The following TXNRD2 variants were observed in gnomAD, a reference collection of about 807,000 sequenced individuals.
The protein encoded by TXNRD2 is thioredoxin reductase 2.
Under a neutral mutation model 70.8 loss-of-function variants are expected in TXNRD2, and 67 were observed. The ratio of observed to expected loss-of-function variants is 0.95; its 90% confidence interval spans 0.78 to 1.16. The LOEUF (loss-of-function observed/expected upper bound fraction) is 1.16, where lower values mean the gene tolerates loss of function less well. Ranked by LOEUF, TXNRD2 falls within the 50% of genes most tolerant of loss-of-function variation. The pLI, the probability that TXNRD2 is intolerant of heterozygous loss-of-function variation, is 0.00. For missense variants in TXNRD2, 644 were observed against 719.9 expected, an observed-to-expected ratio of 0.89 and a Z score of 1.21; for synonymous variants, 301 against 295.8, an observed-to-expected ratio of 1.02 and a Z score of -0.18.
In TXNRD2 at chr22:19,883,424, C is replaced by T. The variant is rs1454322676; in HGVS notation, c.987G>A (p.Lys329=). The change falls in exon 12 of 18, where the codon AAG becomes AAA. Residue 329 remains lysine, a synonymous_variant. Coordinates refer to ENST00000400521, the MANE Select transcript of TXNRD2 (RefSeq NM_006440.5). ...TGTCGGGGCTAGTATCTACCCCAGC[C>T]TTCTCCAAATTCAGACTTCTGGTGT... ...VPDTRSLNLE[K]AGVDTSPDTQ... 7 of 1,614,070 alleles carry T rather than the reference C, an allele frequency of 4.3e-6. No homozygotes were observed. Among genetic ancestry groups the T allele is most frequent in the Non-Finnish European group, 5.9e-6 (7 of 1,180,032 alleles).
intron 14 of TXNRD2, among the ~76,000 whole-genome samples, chr22:19,879,553 G>T (rs563751138): frequency 1.3e-5 from 2 of 149,810 alleles, no homozygotes; most frequent in African/African-American, 5.0e-5. Context: ...GGTGGGGGGC[G>T]GGGGGCGGGG....
At chr22:19,925,175 T>G (rs1320780003) in intron 2 of TXNRD2, among the ~76,000 whole-genome samples, 1 of 151,770 alleles carries the variant, frequency 6.6e-6, no homozygotes, top group African/African-American at 2.4e-5. Flanking sequence ...TCCCAGCTAC[T>G]CAGGAGGCTG....
At chr22:19,915,877 C>T (rs1462287866) in intron 5 of TXNRD2, 34 bp from the exon 6 acceptor site, 2 of 1,590,544 alleles carry the variant, frequency 1.3e-6, no homozygotes, top group Non-Finnish European at 1.7e-6. Flanking sequence ...CAAACACTTC[C>T]TCTGCAAATT....
rs113704666 is a variant in TXNRD2, at chr22:19,896,211, T to C, written c.775-630A>G. 2.5e-3 allele frequency among the ~76,000 whole-genome samples: 373 copies of C among 151,322 alleles called. 2 individuals carry two copies. Among genetic ancestry groups the C allele is most frequent in the African/African-American group, 8.3e-3 (343 of 41,150 alleles). On this transcript the variant is annotated intron_variant, in intron 10 of 17. Coordinates refer to ENST00000400521, the MANE Select transcript of TXNRD2 (RefSeq NM_006440.5). ...TAACTGGGAGGCTGAGGCAGGAGAA[T>C]GGCGTGAACCCGGGAGGTGGAGCTT...
rs1434369728 is a variant in TXNRD2 at position 19,877,542 on chromosome 22, C to T, written c.1446-308G>A. ...CCTTAGGCCTCTGCTCTCTGCTTTA[C>T]CCACAGACAGCGCATCCTGGCCTCA... On this transcript the variant is annotated intron_variant, in intron 16 of 17. Coordinates refer to ENST00000400521, the MANE Select transcript of TXNRD2 (RefSeq NM_006440.5). Among the ~76,000 whole-genome samples, 8 of 152,144 alleles carry T rather than the reference C, an allele frequency of 5.3e-5. No individual in the cohort carries two copies. The East Asian group carries it at 1.3e-3, about 26-fold the overall frequency.
chr22:19,905,796 G>A (rs1030819551), intron 8 of TXNRD2, among the ~76,000 whole-genome samples: 16 of 151,814 alleles, frequency 1.1e-4, no homozygotes, highest in African/African-American at 3.4e-4. Context: ...ACAGTGCCTC[G>A]AGATGGGCAC....
chr22:19,879,464 T>C (rs541191160), intron 14 of TXNRD2, among the ~76,000 whole-genome samples: 1 of 151,646 alleles, frequency 6.6e-6, no homozygotes, highest in East Asian at 2.0e-4. Context: ...CAAAGCAGGC[T>C]TGCTCGATGA....
chr22:19,925,007 A>G lies in TXNRD2; in HGVS notation c.173-5408T>C, dbSNP rs538899977. The stretch of plus-strand genomic sequence containing the variant: ...AAAAAAAAAAAAAAAGCGGGGGGCC[A>G]GGCATGGTGGCTCACGCCTGTAATC... On this transcript the variant is annotated intron_variant, in intron 2 of 17. Transcript: ENST00000400521. Among the ~76,000 whole-genome samples, 231 of 150,426 alleles carry G rather than the reference A, an allele frequency of 1.5e-3. 1 individual carries two copies. Among genetic ancestry groups the G allele is most frequent in the African/African-American group, 4.7e-3 (193 of 41,074 alleles).
intron 11 of TXNRD2, among the ~76,000 whole-genome samples, chr22:19,892,124 G>C (rs766646760): frequency 6.6e-6 from 1 of 152,280 alleles, no homozygotes. Flanking sequence ...ACCCGGTACA[G>C]GAAGCAGAGT....
At position 19,895,574 on chromosome 22, in the gene TXNRD2, G is replaced by A. The variant is rs1472560755; in HGVS notation, c.782C>T (p.Ser261Phe). The A allele has an allele frequency of 8.1e-6, 13 of 1,611,086 alleles. No individual in the cohort carries two copies. The highest frequency in any genetic ancestry group is 1.1e-5 in the Non-Finnish European group (13 of 1,180,030). Residue 261 changes from serine to phenylalanine, a missense_variant, in exon 11 of 18, where the codon TCC becomes TTC. Coordinates refer to ENST00000400521, the MANE Select transcript of TXNRD2 (RefSeq NM_006440.5). ...IPLRGFDQQM[S>F]SMVIEHMASH... Reference sequence around the variant, plus strand: ...TGCCATGTGCTCTATGACCATGGAGGACATTTGCTGCAAAGCACAAGAAGA... The same window carrying A: ...TGCCATGTGCTCTATGACCATGGAGAACATTTGCTGCAAAGCACAAGAAGA...
chr22:19,939,601 TG>T (rs72550816), intron 1 of TXNRD2, among the ~76,000 whole-genome samples: 5,588 of 152,246 alleles, frequency 0.037, 362 homozygotes, highest in African/African-American at 0.13. Flanking sequence ...TGTGGATGCC[TG>T]GAACTACAGA....
At chr22:19,889,651 TA>T (rs1939182096) in intron 11 of TXNRD2, among the ~76,000 whole-genome samples, 2 of 151,032 alleles carry the variant, frequency 1.3e-5, no homozygotes, top group Non-Finnish European at 2.9e-5. Flanking sequence ...TTATTATTAT[TA>T]ATTATTTGAA....
chr22:19,895,293 G>T (rs868496249), intron 11 of TXNRD2, 114 bp downstream of exon 11: 2 of 1,593,992 alleles, frequency 1.3e-6, no homozygotes, highest in Non-Finnish European at 1.7e-6. Context: ...CGGCCAACCC[G>T]CCTGGCAGCC....
At chr22:19,934,009 G>T (rs552689931) in intron 1 of TXNRD2, among the ~76,000 whole-genome samples, 2 of 152,348 alleles carry the variant, frequency 1.3e-5, no homozygotes, top group South Asian at 4.1e-4. Context: ...TCATAGCAAG[G>T]CCCAAGAGAA....
At chr22:19,919,630 A>C in intron 2 of TXNRD2, 31 bp from the exon 3 acceptor site, 1 of 1,531,808 alleles carries the variant, frequency 6.5e-7, no homozygotes, top group South Asian at 1.2e-5. Flanking sequence ...GCAGGTGAGC[A>C]TGGGGAGCTG....
At chr22:19,886,317 G>A (rs1939031892) in intron 11 of TXNRD2, among the ~76,000 whole-genome samples, 1 of 152,262 alleles carries the variant, frequency 6.6e-6, no homozygotes, top group Admixed American at 6.5e-5. Context: ...ACCAGGCCCT[G>A]AGCCCCACTA....
intron 12 of TXNRD2, chr22:19,880,948 G>A: frequency 3.4e-6 from 2 of 592,814 alleles, no homozygotes; most frequent in South Asian, 2.0e-5. Context: ...ACTCTGCCCT[G>A]GGAAAGGAGT....
rs190359569 is a variant in TXNRD2 at position 19,886,328 on chromosome 22, T to C, written c.950-2867A>G. Among the ~76,000 whole-genome samples the C allele has an allele frequency of 1.9e-3, 296 of 152,338 alleles. 1 individual carries two copies. Among genetic ancestry groups the C allele is most frequent in the African/African-American group, 6.9e-3 (285 of 41,580 alleles). On this transcript the variant is annotated intron_variant, in intron 11 of 17. Coordinates refer to ENST00000400521, the MANE Select transcript of TXNRD2 (RefSeq NM_006440.5). ...GGACACCAGGCCCTGAGCCCCACTA[T>C]GGGTCTTGCTGAGCAAAGGACTGGG... is the stretch of plus-strand genomic sequence containing the variant.
At chr22:19,903,920 T>C (rs1939891456) in intron 8 of TXNRD2, among the ~76,000 whole-genome samples, 1 of 152,202 alleles carries the variant, frequency 6.6e-6, no homozygotes, top group African/African-American at 2.4e-5. Flanking sequence ...GGGGCTCCAC[T>C]GCCTGCCCAG....
Sources: allele counts gnomAD v4.1 joint callset (sites outside exome capture counted in the v4.1 genomes callset), GRCh38; gene constraint gnomAD v4.1.1; transcripts MANE v1.5; gene names NCBI Gene and HGNC (gene_info 2026-07-23, HGNC 2026-07-21).